SLC9A9: variants seen among roughly 807,000 people sequenced by gnomAD.
SLC9A9 encodes solute carrier family 9 member A9, also known as sodium/hydrogen exchanger 9.
Under a neutral mutation model 77.8 loss-of-function variants are expected in SLC9A9, and 62 were observed. The ratio of observed to expected loss-of-function variants is 0.80; its 90% CI spans 0.65 to 0.98. SLC9A9 has a LOEUF of 0.98. SLC9A9 is among the 50% of genes least tolerant of loss of function. The probability of loss-of-function intolerance (pLI) is 0.00; values close to 1 mark genes in which losing one functional copy is unlikely to be tolerated. For synonymous variants in SLC9A9, 320 were observed against 283.5 expected (o/e 1.13, Z -1.29); for missense variants, 775 against 774.9 (o/e 1.00, Z 0.00).
chr3:143,685,584 G>A (rs927705106), intron 5 of SLC9A9, among the ~76,000 whole-genome samples: 1 of 152,092 alleles, frequency 6.6e-6, no homozygotes, highest in African/African-American at 2.4e-5. Flanking sequence ...AATCCAAATA[G>A]GAAACAGGGA....
intron 2 of SLC9A9, among the ~76,000 whole-genome samples, chr3:143,815,649 A>G (rs2008991972): frequency 6.6e-6 from 1 of 152,076 alleles, no homozygotes; most frequent in Non-Finnish European, 1.5e-5. Context: ...ACGGATCACG[A>G]GGTCAAGAGA....
intron 12 of SLC9A9, among the ~76,000 whole-genome samples, chr3:143,393,436 G>A (rs1240577527): frequency 6.6e-6 from 1 of 152,148 alleles, no homozygotes; most frequent in African/African-American, 2.4e-5. Flanking sequence ...GAATCTCTGG[G>A]ACACATTCAA....
chr3:143,675,709 T>C (rs533717158), intron 5 of SLC9A9, among the ~76,000 whole-genome samples: 1 of 152,350 alleles, frequency 6.6e-6, no homozygotes, highest in Admixed American at 6.5e-5. Flanking sequence ...TTTACTAATA[T>C]CATATAAAAA....
At chr3:143,319,198 G>A (rs1157862551) in intron 14 of SLC9A9, among the ~76,000 whole-genome samples, 25 of 152,140 alleles carry the variant, frequency 1.6e-4, no homozygotes, top group Non-Finnish European at 1.5e-5. Flanking sequence ...ATTTGACAAA[G>A]TCCTTCAAAG....
intron 14 of SLC9A9, among the ~76,000 whole-genome samples, chr3:143,272,173 C>T (rs190469912): frequency 2.0e-5 from 3 of 152,208 alleles, no homozygotes; most frequent in East Asian, 1.9e-4. Context: ...TTTAAAAAAC[C>T]GTTTTCTTTC....
At chr3:143,535,767 T>G (rs1284141397) in intron 9 of SLC9A9, among the ~76,000 whole-genome samples, 1 of 152,194 alleles carries the variant, frequency 6.6e-6, no homozygotes, top group African/African-American at 2.4e-5. Flanking sequence ...AAATACACAT[T>G]TGATTCTTCT....
At chr3:143,551,899 G>A (rs1342991755) in intron 9 of SLC9A9, among the ~76,000 whole-genome samples, 2 of 152,318 alleles carry the variant, frequency 1.3e-5, no homozygotes, top group Non-Finnish European at 2.9e-5. Flanking sequence ...CCAAACAGAT[G>A]TGTTCTTGGC....
intron 12 of SLC9A9, among the ~76,000 whole-genome samples, chr3:143,404,607 C>A (rs1025024212): frequency 1.3e-5 from 2 of 152,106 alleles, no homozygotes; most frequent in African/African-American, 4.8e-5. Flanking sequence ...TTTTTTCCCC[C>A]TCTTTATTCC....
At chr3:143,485,629 G>C (rs1414356835) in intron 11 of SLC9A9, among the ~76,000 whole-genome samples, 1 of 151,880 alleles carries the variant, frequency 6.6e-6, no homozygotes, top group Non-Finnish European at 1.5e-5. Flanking sequence ...AGAAAACCCT[G>C]GGAAAGGGGA....
At chr3:143,364,571 A>AT (rs1174241890) in intron 13 of SLC9A9, among the ~76,000 whole-genome samples, 5 of 151,824 alleles carry the variant, frequency 3.3e-5, no homozygotes, top group South Asian at 2.1e-4. Flanking sequence ...ATTTGCTTTT[A>AT]TTTTTTTTGT....
At chr3:143,284,379 A>G (rs1274348528) in intron 14 of SLC9A9, among the ~76,000 whole-genome samples, 2 of 150,812 alleles carry the variant, frequency 1.3e-5, no homozygotes, top group Non-Finnish European at 2.9e-5. Context: ...AGCTCCAGAA[A>G]TTTCTGTGGG....
At chr3:143,639,936 C>T (rs1028876251) in intron 6 of SLC9A9, among the ~76,000 whole-genome samples, 6 of 151,904 alleles carry the variant, frequency 3.9e-5, no homozygotes, top group African/African-American at 1.5e-4. Context: ...TTCTTAAGTA[C>T]CTTGACAATA....
intron 13 of SLC9A9, among the ~76,000 whole-genome samples, chr3:143,377,119 C>T (rs1238875240): frequency 6.6e-6 from 1 of 152,086 alleles, no homozygotes; most frequent in African/African-American, 2.4e-5. Flanking sequence ...ATTTAATGAC[C>T]ATGATGACCC....
At chr3:143,552,277 C>A in intron 9 of SLC9A9, 85 bp downstream of exon 9, 1 of 941,678 alleles carries the variant, frequency 1.1e-6, no homozygotes, top group Non-Finnish European at 1.6e-6. Flanking sequence ...ACTAATGAAA[C>A]TCTTTCTGAC....
intron 12 of SLC9A9, among the ~76,000 whole-genome samples, chr3:143,418,304 T>C (rs578038990): frequency 1.3e-5 from 2 of 150,410 alleles, no homozygotes; most frequent in East Asian, 3.9e-4. Flanking sequence ...ACAGTAATAT[T>C]ATCTTTTTAG....
intron 5 of SLC9A9, among the ~76,000 whole-genome samples, chr3:143,668,595 G>T (rs371653733): frequency 1.3e-5 from 2 of 152,142 alleles, no homozygotes; most frequent in Non-Finnish European, 2.9e-5. Context: ...CTAAAAAGTT[G>T]ATTATCACTG....
intron 4 of SLC9A9, among the ~76,000 whole-genome samples, chr3:143,727,656 T>C (rs1308027055): frequency 6.6e-6 from 1 of 152,192 alleles, no homozygotes; most frequent in African/African-American, 2.4e-5. Flanking sequence ...TCATCTTCTA[T>C]AACAAAGTAA....
chr3:143,574,096 CCGGCAGCCT>C lies in SLC9A9; in HGVS notation c.983_991del (p.Glu328_Ala330del), dbSNP rs2037315203. The C allele has an allele frequency of 6.2e-7, 1 of 1,612,886 alleles. No homozygotes were observed. Among genetic ancestry groups the C allele is most frequent in the African/African-American group, 1.3e-5 (1 of 74,856 alleles). ...CAGCATGAAGCACTGACCTGTTAGG[CCGGCAGCCT>C]CGGCAGACAGGAAGGCACTCCAAGA... On this transcript the variant is annotated inframe_deletion, in exon 8 of 16. Transcript: ENST00000316549.
chr3:143,500,562 C>T (rs1376718082), intron 9 of SLC9A9, among the ~76,000 whole-genome samples: 1 of 152,106 alleles, frequency 6.6e-6, no homozygotes, highest in East Asian at 1.9e-4. Flanking sequence ...TCATGTCAGA[C>T]ACCTGCTTTT....
Sources: allele counts gnomAD v4.1 joint callset (sites outside exome capture counted in the v4.1 genomes callset), GRCh38; gene constraint gnomAD v4.1.1; transcripts MANE v1.5; gene names NCBI Gene and HGNC (gene_info 2026-07-23, HGNC 2026-07-21).